MTHFD2L: variants seen among roughly 807,000 people sequenced by gnomAD.
MTHFD2L encodes methylenetetrahydrofolate dehydrogenase (NADP+ dependent) 2 like, also known as bifunctional methylenetetrahydrofolate dehydrogenase/cyclohydrolase 2, mitochondrial.
In MTHFD2L, 29 loss-of-function variants were observed where a neutral mutation model predicts 34.9. That is an observed-to-expected ratio of 0.83 (90% CI 0.62 to 1.13). The LOEUF is 1.13. Ranked by LOEUF, MTHFD2L falls within the 50% of genes most tolerant of loss-of-function variation. MTHFD2L has a pLI of 0.00. For missense variants in MTHFD2L, 481 were observed against 446.5 expected, an observed-to-expected ratio of 1.08 and a Z score of -0.70; for synonymous variants, 167 against 155.7, an observed-to-expected ratio of 1.07 and a Z score of -0.54.
intron 6 of MTHFD2L, among the ~76,000 whole-genome samples, chr4:74,230,591 GAAAAAAAA>G (rs11324931): frequency 3.9e-5 from 5 of 128,986 alleles, no homozygotes; most frequent in East Asian, 2.2e-4. Context: ...CTCTGTCTCA[GAAAAAAAA>G]AAAAAAGAAA....
At chr4:74,168,567 T>C (rs1308686659) in intron 1 of MTHFD2L, among the ~76,000 whole-genome samples, 1 of 152,240 alleles carries the variant, frequency 6.6e-6, no homozygotes, top group East Asian at 1.9e-4. Context: ...TCAACTAGAA[T>C]ATAGTTTCCA....
At chr4:74,189,060 G>T (rs1284386355) in intron 3 of MTHFD2L, among the ~76,000 whole-genome samples, 1 of 151,970 alleles carries the variant, frequency 6.6e-6, no homozygotes, top group Non-Finnish European at 1.5e-5. Flanking sequence ...TAGACTATAA[G>T]GTTAAATATA....
chr4:74,216,295 C>T (rs1578499631), intron 5 of MTHFD2L, among the ~76,000 whole-genome samples: 4 of 151,802 alleles, frequency 2.6e-5, no homozygotes, highest in Admixed American at 6.6e-5. Flanking sequence ...CAGCAGTTCT[C>T]AACTTTAGCT....
At chr4:74,197,943 T>C (rs1340121884) in intron 3 of MTHFD2L, among the ~76,000 whole-genome samples, 2 of 152,208 alleles carry the variant, frequency 1.3e-5, no homozygotes, top group Non-Finnish European at 2.9e-5. Flanking sequence ...ATAAAAATGA[T>C]AAATGAATTG....
At chr4:74,255,937 A>G (rs1304950254) in intron 6 of MTHFD2L, among the ~76,000 whole-genome samples, 1 of 152,188 alleles carries the variant, frequency 6.6e-6, no homozygotes. Context: ...GTCTGCTACT[A>G]TAAAGAGTGC....
intron 1 of MTHFD2L, among the ~76,000 whole-genome samples, chr4:74,165,633 G>A (rs1726533426): frequency 6.6e-6 from 1 of 152,198 alleles, no homozygotes; most frequent in East Asian, 1.9e-4. Context: ...TGGAATTACA[G>A]GCGTGAGCCA....
upstream of MTHFD2L, chr4:74,158,114 G>C (rs1402559014): frequency 2.6e-6 from 4 of 1,530,132 alleles, no homozygotes; most frequent in Admixed American, 2.0e-5. Flanking sequence ...TGGAGCCCCA[G>C]TCCGGAAGCC....
At chr4:74,164,370 C>T (rs1415677031) in intron 1 of MTHFD2L, among the ~76,000 whole-genome samples, 1 of 152,162 alleles carries the variant, frequency 6.6e-6, no homozygotes, top group Non-Finnish European at 1.5e-5. Flanking sequence ...AAATAATCCT[C>T]CCCCTTTGTT....
rs117027884 is a variant in MTHFD2L, at chr4:74,150,970, T to C, written c.-296-9085T>C. On this transcript the variant is annotated intron_variant, in intron 1 of 7. Transcript: ENST00000433372. ...CATTATCCCATATTCACTGATGAAA[T>C]AATGCTATAATATGTAGTAAAAAAT... Among the ~76,000 whole-genome samples, 877 of 152,082 alleles carry C rather than the reference T, an allele frequency of 5.8e-3. 30 individuals are homozygous for C. The highest frequency in any genetic ancestry group is 0.049 in the Admixed American group (749 of 15,284).
upstream of MTHFD2L, among the ~76,000 whole-genome samples, chr4:74,155,966 G>A (rs1724219757): frequency 6.7e-6 from 1 of 149,546 alleles, no homozygotes; most frequent in Admixed American, 6.7e-5. Context: ...ATGTTTGTAT[G>A]TATTTAGAAC....
intron 1 of MTHFD2L, among the ~76,000 whole-genome samples, chr4:74,132,937 T>C (rs1172529380): frequency 6.6e-6 from 1 of 152,222 alleles, no homozygotes; most frequent in South Asian, 2.1e-4. Flanking sequence ...ATTATTAGCA[T>C]ATTCTGGGGT....
intron 1 of MTHFD2L, among the ~76,000 whole-genome samples, chr4:74,135,142 G>A (rs1056130943): frequency 6.6e-6 from 1 of 151,864 alleles, no homozygotes; most frequent in Non-Finnish European, 1.5e-5. Context: ...AGTCAAATAA[G>A]ACTAATGAAG....
upstream of MTHFD2L, among the ~76,000 whole-genome samples, chr4:74,153,462 G>A (rs548358123): frequency 6.6e-4 from 101 of 152,286 alleles, no homozygotes; most frequent in African/African-American, 2.3e-3. Flanking sequence ...AATCATGGGA[G>A]AAAGTTTTTA....
At chr4:74,233,247 A>G (rs1232825433) in intron 6 of MTHFD2L, among the ~76,000 whole-genome samples, 1 of 152,078 alleles carries the variant, frequency 6.6e-6, no homozygotes, top group East Asian at 1.9e-4. Context: ...TTAGATCCTT[A>G]TCTTTCCACA....
intron 6 of MTHFD2L, among the ~76,000 whole-genome samples, chr4:74,245,937 T>A (rs1472796850): frequency 6.7e-6 from 1 of 149,902 alleles, no homozygotes; most frequent in Non-Finnish European, 1.5e-5. Flanking sequence ...GCAATAAACA[T>A]ACGTGTGCAT....
At chr4:74,176,678 G>A (rs1729113280) in intron 3 of MTHFD2L, among the ~76,000 whole-genome samples, 1 of 152,002 alleles carries the variant, frequency 6.6e-6, no homozygotes. Context: ...AGCAGCTCTT[G>A]TATAATTACT....
chr4:74,185,736 CT>C (rs1398618809), intron 3 of MTHFD2L, among the ~76,000 whole-genome samples: 1 of 152,172 alleles, frequency 6.6e-6, no homozygotes, highest in Non-Finnish European at 1.5e-5. Context: ...AAAGAAATGT[CT>C]TAATAGCTCT....
chr4:74,280,641 T>A (rs537840294), intron 6 of MTHFD2L, among the ~76,000 whole-genome samples: 6 of 149,160 alleles, frequency 4.0e-5, no homozygotes, highest in Admixed American at 3.3e-4. Flanking sequence ...TTTTTTTTTT[T>A]TAAAAAACTG....
chr4:74,158,291 C>A lies in MTHFD2L; in HGVS notation c.143+10C>A. On this transcript the variant is annotated intron_variant, in intron 1 of 7. Coordinates refer to ENST00000325278, the MANE Select transcript of MTHFD2L (RefSeq NM_001144978.3). ...GGAGCAGCGGTGTGAGGTACGAGGG[C>A]TGCGGGCGCCGGGTGCGGAGCCGCT... The A allele has an allele frequency of 7.7e-7, 1 of 1,299,830 alleles. No individual in the cohort carries two copies. The allele number at this position is 1,299,830 out of a possible 1,614,324, so 80.5% of individuals were successfully genotyped here.
Sources: gnomAD v4.1 joint callset for allele counts (sites outside exome capture counted in the v4.1 genomes callset) on GRCh38, gnomAD v4.1.1 for gene constraint, MANE v1.5 for transcripts, NCBI Gene and HGNC (gene_info 2026-07-23, HGNC 2026-07-21) for gene names.